The following FAM171A1 variants were observed in gnomAD, a reference collection of about 807,000 sequenced individuals.
FAM171A1 encodes family with sequence similarity 171 member A1.
In FAM171A1, 23 loss-of-function variants were observed where a neutral mutation model predicts 74.9. The ratio of observed to expected loss-of-function variants is 0.31; its 90% confidence interval spans 0.22 to 0.44. The LOEUF (loss-of-function observed/expected upper bound fraction) is 0.44, where lower values mean the gene tolerates loss of function less well. Ranked by LOEUF, FAM171A1 falls within the 20% of genes least tolerant of loss-of-function variation. The pLI is 1.00. For synonymous variants in FAM171A1, 527 were observed against 505.7 expected, an observed-to-expected ratio of 1.04 and a Z score of -0.57; for missense variants, 1,162 against 1,159.2, an observed-to-expected ratio of 1.00 and a Z score of -0.03.
Position 15,265,666 on chromosome 10 carries a change from T to C in FAM171A1, c.418+10189A>G, listed in dbSNP as rs79056588. On this transcript the variant is annotated intron_variant, in intron 3 of 7. Transcript: ENST00000378116. ...AAGCAGCTGGATTTTGATTTTTTTT[T>C]TTGTATTTGTTTAACTCAATTATTC... Among the ~76,000 whole-genome samples the C allele has an allele frequency of 6.6e-3, 1,004 of 151,934 alleles. 18 individuals are homozygous for C. In the East Asian group the frequency reaches 0.078, roughly 12 times the overall value.
intron 1 of FAM171A1, among the ~76,000 whole-genome samples, chr10:15,303,870 G>A (rs1835262134): frequency 6.6e-6 from 1 of 152,200 alleles, no homozygotes; most frequent in South Asian, 2.1e-4. Flanking sequence ...ACAAGCGTGG[G>A]CAGAAAAGTT....
rs1467036148 is a variant in FAM171A1, at chr10:15,283,771, G to A, written c.325+107C>T. 6 of 1,064,978 alleles carry A rather than the reference G, an allele frequency of 5.6e-6. No homozygotes were observed. In the Admixed American group the frequency reaches 1.1e-4, roughly 19 times the overall value. The allele number at this position is 1,064,978 out of a possible 1,614,324, so 66.0% of individuals were successfully genotyped here. On this transcript the variant is annotated intron_variant, in intron 2 of 7. Coordinates refer to ENST00000378116, the MANE Select transcript of FAM171A1 (RefSeq NM_001010924.2). ...GGCTAATTTTAAATTTTTTTGTAGA[G>A]ATGCAGTCTCACTATGTTGCCCAAG...
chr10:15,259,799 T>G (rs531056879), intron 3 of FAM171A1, among the ~76,000 whole-genome samples: 1 of 151,914 alleles, frequency 6.6e-6, no homozygotes, highest in Non-Finnish European at 1.5e-5. Context: ...CAAATAGGAC[T>G]GCATGACTAA....
intron 1 of FAM171A1, among the ~76,000 whole-genome samples, chr10:15,301,666 T>TG (rs1213341370): frequency 6.6e-6 from 1 of 152,222 alleles, no homozygotes; most frequent in Non-Finnish European, 1.5e-5. Flanking sequence ...AGGTATCCTC[T>TG]GGCCCTCTTT....
chr10:15,345,005 A>G (rs1362098887), intron 1 of FAM171A1, among the ~76,000 whole-genome samples: 2 of 152,228 alleles, frequency 1.3e-5, no homozygotes, highest in East Asian at 3.8e-4. Flanking sequence ...GAAGCATTCA[A>G]CTCACACCTT....
chr10:15,273,097 C>T (rs954826945), intron 3 of FAM171A1, among the ~76,000 whole-genome samples: 1 of 152,040 alleles, frequency 6.6e-6, no homozygotes, highest in African/African-American at 2.4e-5. Context: ...ATCAATGAAT[C>T]CAGGAGCTGG....
intron 1 of FAM171A1, among the ~76,000 whole-genome samples, chr10:15,286,211 A>C (rs752025875): frequency 1.6e-4 from 24 of 152,144 alleles, no homozygotes; most frequent in Non-Finnish European, 2.9e-4. Context: ...CAGAGAGGAG[A>C]GTTAGAAAGA....
chr10:15,294,032 C>T (rs1268316116), intron 1 of FAM171A1, among the ~76,000 whole-genome samples: 4 of 152,106 alleles, frequency 2.6e-5, no homozygotes, highest in Non-Finnish European at 4.4e-5. Context: ...AGAAGCAGGG[C>T]CTTTTTCTGG....
chr10:15,234,144 T>C (rs1350844822), intron 5 of FAM171A1, among the ~76,000 whole-genome samples: 1 of 151,248 alleles, frequency 6.6e-6, no homozygotes, highest in Non-Finnish European at 1.5e-5. Flanking sequence ...AAAACTACAT[T>C]CGAAAGGAAA....
In FAM171A1 at chr10:15,302,397, G is replaced by A. The variant is rs533310645; in HGVS notation, c.98-18292C>T. Reference sequence around the variant, plus strand: ...GCAGAATTGCTTGAACACAGGAGGCGGAGGTCGCAGTGCGCCGAAATTGCG... The same window carrying A: ...GCAGAATTGCTTGAACACAGGAGGCAGAGGTCGCAGTGCGCCGAAATTGCG... On this transcript the variant is annotated intron_variant, in intron 1 of 7. Coordinates refer to ENST00000378116, the MANE Select transcript of FAM171A1 (RefSeq NM_001010924.2). Among the ~76,000 whole-genome samples, 55 of 152,022 alleles carry A rather than the reference G, an allele frequency of 3.6e-4. 1 individual carries two copies. Among genetic ancestry groups the A allele is most frequent in the Admixed American group, 1.4e-3 (21 of 15,252 alleles).
chr10:15,322,252 C>T (rs1173006144), intron 1 of FAM171A1, among the ~76,000 whole-genome samples: 2 of 152,200 alleles, frequency 1.3e-5, no homozygotes, highest in East Asian at 3.8e-4. Flanking sequence ...CTGAATACAG[C>T]TGGAGGGGCC....
At chr10:15,261,769 T>C (rs148265474) in intron 3 of FAM171A1, among the ~76,000 whole-genome samples, 2,253 of 152,198 alleles carry the variant, frequency 0.015, 34 homozygotes, top group Non-Finnish European at 0.023. Context: ...CTCTGTGAGC[T>C]ACGTGGGGTC....
chr10:15,337,231 G>C (rs1275262367), intron 1 of FAM171A1, among the ~76,000 whole-genome samples: 2 of 152,132 alleles, frequency 1.3e-5, no homozygotes. Context: ...AAGAGCCAGA[G>C]TTGGAACAAT....
chr10:15,354,217 T>C (rs7895229), intron 1 of FAM171A1, among the ~76,000 whole-genome samples: 149,224 of 152,184 alleles, frequency 0.98, 73,216 homozygotes, highest in Middle Eastern at 1. Context: ...GTGGGCAGGC[T>C]GGGCATGGTG....
intron 1 of FAM171A1, among the ~76,000 whole-genome samples, chr10:15,350,738 G>A (rs1423961603): frequency 6.6e-6 from 1 of 151,228 alleles, no homozygotes; most frequent in Non-Finnish European, 1.5e-5. Flanking sequence ...TCCCAGGTTC[G>A]AGCGATCGAT....
chr10:15,339,009 G>T (rs1325789099), intron 1 of FAM171A1, among the ~76,000 whole-genome samples: 5 of 152,202 alleles, frequency 3.3e-5, no homozygotes, highest in Admixed American at 3.3e-4. Flanking sequence ...GAAGTGTTGG[G>T]ATTATAGGCA....
intron 1 of FAM171A1, among the ~76,000 whole-genome samples, chr10:15,344,548 A>T (rs1238112316): frequency 6.6e-6 from 1 of 152,230 alleles, no homozygotes. Flanking sequence ...GTTTCCAACA[A>T]CAAAAAAAGG....
rs372797760 is a variant in FAM171A1 at position 15,257,982 on chromosome 10, C to T, written c.419-3103G>A. 1.1e-4 allele frequency among the ~76,000 whole-genome samples: 16 copies of T among 152,292 alleles called. No individual in the cohort carries two copies. The East Asian group carries it at 3.1e-3, about 29-fold the overall frequency. On this transcript the variant is annotated intron_variant, in intron 3 of 7. Coordinates refer to ENST00000378116, the MANE Select transcript of FAM171A1 (RefSeq NM_001010924.2). ...AGCCTGTAGGGCTCCATCCCCATCC[C>T]CAAAATACTCAGACCCTGCTCTCCT...
chr10:15,344,562 C>T (rs1423348786), intron 1 of FAM171A1, among the ~76,000 whole-genome samples: 1 of 152,086 alleles, frequency 6.6e-6, no homozygotes, highest in African/African-American at 2.4e-5. Context: ...AAAAAGGATG[C>T]CCAGGTACAT....
Sources: allele counts gnomAD v4.1 joint callset (sites outside exome capture counted in the v4.1 genomes callset), GRCh38; gene constraint gnomAD v4.1.1; transcripts MANE v1.5; gene names NCBI Gene and HGNC (gene_info 2026-07-23, HGNC 2026-07-21).